The following FGD2 variants were observed in gnomAD, a reference collection of about 807,000 sequenced individuals.
The protein encoded by FGD2 is FYVE, RhoGEF and PH domain containing 2.
FGD2 carries 52 observed loss-of-function variants against 75.9 expected under a neutral mutation model. The ratio of observed to expected loss-of-function variants is 0.69; its 90% CI spans 0.55 to 0.86. The LOEUF (loss-of-function observed/expected upper bound fraction) is 0.86, where lower values mean the gene tolerates loss of function less well. Among genes scored for constraint, FGD2 ranks in the 40% least tolerant of loss-of-function variants. The pLI, the probability that FGD2 is intolerant of heterozygous loss-of-function variation, is 0.00. For synonymous variants in FGD2, 347 were observed against 348.6 expected (o/e 1.00, Z 0.05); for missense variants, 790 against 872.0 (o/e 0.91, Z 1.18).
At chr6:37,011,178 G>A (rs1753289) in intron 3 of FGD2, 128 bp downstream of exon 3, 439,413 of 878,536 alleles carry the variant, frequency 0.5, 115,315 homozygotes, top group East Asian at 0.75. Context: ...AGGAAGCCTT[G>A]GCCCTTTAAC....
In FGD2 at chr6:37,028,292, C is replaced by T. The variant is rs1583332688; in HGVS notation, c.*129C>T. 5.5e-6 allele frequency: 5 copies of T among 911,996 alleles called. No individual in the cohort carries two copies. Among genetic ancestry groups the T allele is most frequent in the South Asian group, 1.9e-5 (1 of 53,254 alleles). 56.5% of individuals were successfully genotyped at this position (911,996 alleles called of 1,614,324 possible). A position where few individuals can be genotyped will look rare whatever the true frequency, so the allele number is the denominator to read the frequency against. On this transcript the variant is annotated 3_prime_UTR_variant, in exon 16 of 16. Transcript: ENST00000274963. Reference sequence around the variant, plus strand: ...TTCAGAGAATTGATTCAGCCATCTGCGCCCAGGCCACGTGTCCCGATCTGG... The same window carrying T: ...TTCAGAGAATTGATTCAGCCATCTGTGCCCAGGCCACGTGTCCCGATCTGG...
At position 37,028,615 on chromosome 6, in the gene FGD2, C is replaced by CTGTTTTTTTTTTTTT. The variant is rs1765945263; in HGVS notation, c.*453_*454insGTTTTTTTTTTTTTT. ...GGCTGAGTTGGGGGAGGCATGGGGT[C>CTGTTTTTTTTTTTTT]TTTTTTTTTTTTTTTTTGAGACAGA... is the stretch of plus-strand genomic sequence containing the variant. On this transcript the variant is annotated 3_prime_UTR_variant, in exon 16 of 16. Coordinates refer to ENST00000274963, the MANE Select transcript of FGD2 (RefSeq NM_173558.4). 1 of 79,024 alleles carries CTGTTTTTTTTTTTTT rather than the reference C, an allele frequency of 1.3e-5. No individual in the cohort carries two copies. Among genetic ancestry groups the CTGTTTTTTTTTTTTT allele is most frequent in the African/African-American group, 5.5e-5 (1 of 18,142 alleles). 4.9% of individuals were successfully genotyped at this position (79,024 alleles called of 1,614,324 possible).
chr6:37,013,273 T>C (rs1765110848), intron 4 of FGD2: 2 of 240,646 alleles, frequency 8.3e-6, no homozygotes, highest in African/African-American at 2.3e-5. Context: ...GAATGAGACA[T>C]GCATCATGTC....
chr6:37,013,909 AC>A, intron 5 of FGD2, 52 bp from the exon 6 acceptor site: 1 of 1,595,974 alleles, frequency 6.3e-7, no homozygotes, highest in Non-Finnish European at 8.5e-7. Flanking sequence ...GAGCAGCCTG[AC>A]CCACCTCCCT....
chr6:37,011,598 C>T, intron 3 of FGD2, 108 bp from the exon 4 acceptor site: 3 of 1,459,020 alleles, frequency 2.1e-6, no homozygotes, highest in Non-Finnish European at 2.8e-6. Flanking sequence ...GCCGGGAGAT[C>T]AGGGAGGTGG....
chr6:37,019,896 A>G (rs1765492173), intron 9 of FGD2, among the ~76,000 whole-genome samples: 2 of 135,124 alleles, frequency 1.5e-5, no homozygotes, highest in Non-Finnish European at 3.1e-5. Context: ...TCTGTCACCC[A>G]GGCTGGAGTG....
intron 2 of FGD2, chr6:37,009,615 A>G (rs1242809114): frequency 6.6e-6 from 1 of 152,378 alleles, no homozygotes; most frequent in Non-Finnish European, 1.5e-5. Flanking sequence ...GTCCTTGGGC[A>G]AGTCACTTGA....
At chr6:37,013,876 C>A (rs1447285227) in intron 5 of FGD2, 86 bp from the exon 6 acceptor site, 2 of 1,583,672 alleles carry the variant, frequency 1.3e-6, no homozygotes, top group African/African-American at 2.7e-5. Context: ...CCATAGGCCC[C>A]TGCCTACTCG....
intron 13 of FGD2, chr6:37,024,631 A>G (rs1439197458): frequency 6.6e-6 from 1 of 152,172 alleles, no homozygotes; most frequent in East Asian, 1.9e-4. Context: ...AATTTTTCAA[A>G]ATTAAACGTT....
At chr6:37,012,711 T>TAAAA (rs376918197) in intron 4 of FGD2, among the ~76,000 whole-genome samples, 1 of 127,302 alleles carries the variant, frequency 7.9e-6, no homozygotes, top group Non-Finnish European at 1.7e-5. Flanking sequence ...GACCCTGACT[T>TAAAA]AAAAAAAAAA....
intron 1 of FGD2, among the ~76,000 whole-genome samples, chr6:37,006,390 T>A (rs1377057434): frequency 6.6e-6 from 1 of 152,208 alleles, no homozygotes; most frequent in East Asian, 1.9e-4. Context: ...CTCCCTACTC[T>A]AAGTTCATGT....
intron 1 of FGD2, among the ~76,000 whole-genome samples, chr6:37,007,496 T>A (rs1348358896): frequency 8.5e-5 from 13 of 152,176 alleles, no homozygotes; most frequent in Non-Finnish European, 1.6e-4. Context: ...GTGGAGCCCC[T>A]CAGCATGCTG....
rs1765935886 is a variant in FGD2 at position 37,028,443 on chromosome 6, C to T, written c.*280C>T. On this transcript the variant is annotated 3_prime_UTR_variant, in exon 16 of 16. Coordinates refer to ENST00000274963, the MANE Select transcript of FGD2 (RefSeq NM_173558.4). ...CTAAAACTGGGAAAGCCCCAGGTAA[C>T]CCCGGACTGGTGGTCACCATAGTAT... 2 of 434,452 alleles carry T rather than the reference C, an allele frequency of 4.6e-6. No homozygotes were observed. Among genetic ancestry groups the T allele is most frequent in the African/African-American group, 2.0e-5 (1 of 51,100 alleles). 26.9% of individuals were successfully genotyped at this position (434,452 alleles called of 1,614,324 possible). A position where few individuals can be genotyped will look rare whatever the true frequency, so the allele number is the denominator to read the frequency against.
At position 37,018,334 on chromosome 6, in the gene FGD2, CCG is replaced by C. The variant is rs1234508278; in HGVS notation, c.1123-2205_1123-2204del. ...GCTAACATGTCTGATACTCCAGCAG[CCG>C]CACAGCACCCTCTCCTGGACGGCAT... On this transcript the variant is annotated intron_variant, in intron 9 of 15. Transcript: ENST00000274963. Among the ~76,000 whole-genome samples the C allele has an allele frequency of 2.0e-5, 3 of 152,164 alleles. No homozygotes were observed. In the East Asian group the frequency reaches 5.8e-4, roughly 29 times the overall value.
In FGD2 at chr6:37,011,030, C is replaced by G; in HGVS notation, c.358C>G (p.Arg120Gly). 1 of 1,614,136 alleles carries G rather than the reference C, an allele frequency of 6.2e-7. No homozygotes were observed. Among genetic ancestry groups the G allele is most frequent in the Non-Finnish European group, 8.5e-7 (1 of 1,180,008 alleles). Residue 120 changes from arginine (R) to glycine (G), a missense_variant, in exon 3 of 16, where the codon CGC (arginine) becomes GGC (glycine). Transcript: ENST00000274963. ...LLETEQAYVA[R>G]LHLLDQVFFQ... Reference sequence around the variant, plus strand: ...GGAGACAGAGCAGGCCTATGTGGCGCGCCTCCACCTGCTAGACCAGGCCAG... The same window carrying G: ...GGAGACAGAGCAGGCCTATGTGGCGGGCCTCCACCTGCTAGACCAGGCCAG...
At chr6:37,015,689 C>G in intron 8 of FGD2, 79 bp from the exon 9 acceptor site, 1 of 1,344,510 alleles carries the variant, frequency 7.4e-7, no homozygotes, top group South Asian at 1.3e-5. Flanking sequence ...AGCCCATGCT[C>G]GGCCCACCCT....
chr6:37,026,524 GC>G, intron 14 of FGD2, among the ~76,000 whole-genome samples: 1 of 151,010 alleles, frequency 6.6e-6, no homozygotes, highest in East Asian at 2.2e-4. Context: ...CCCCACAGGT[GC>G]TCCCCTGTGG....
intron 2 of FGD2, 191 bp downstream of exon 2, chr6:37,009,256 C>T (rs1383954892): frequency 7.0e-6 from 4 of 574,236 alleles, no homozygotes; most frequent in South Asian, 4.8e-5. Context: ...TGCTACGCAC[C>T]GTGCTGGATT....
In FGD2 at chr6:37,005,783, G is replaced by A. The variant is rs760572074; in HGVS notation, c.-35G>A. The stretch of plus-strand genomic sequence containing the variant: ...GGCTGGAGGCCTCTCTCTCTGCTTC[G>A]AGGGTAGCTGAGATCCACCCCGGAA... On this transcript the variant is annotated 5_prime_UTR_variant, in exon 1 of 16. Coordinates refer to ENST00000274963, the MANE Select transcript of FGD2 (RefSeq NM_173558.4). 1.4e-5 allele frequency: 23 copies of A among 1,609,648 alleles called. No individual in the cohort carries two copies. The highest frequency in any genetic ancestry group is 1.8e-5 in the Non-Finnish European group (21 of 1,177,508).
Sources: allele counts gnomAD v4.1 joint callset (sites outside exome capture counted in the v4.1 genomes callset), GRCh38; gene constraint gnomAD v4.1.1; transcripts MANE v1.5; gene names NCBI Gene and HGNC (gene_info 2026-07-23, HGNC 2026-07-21).